Variants in TNS3 observed in about 807,000 individuals in gnomAD.
TNS3 encodes the protein tensin 3.
In TNS3, 45 loss-of-function variants were observed where a neutral mutation model predicts 140.9. The observed-to-expected ratio is 0.32, with a 90% CI of 0.25 to 0.41. TNS3 has a LOEUF of 0.41. Ranked by LOEUF, TNS3 falls within the 10% of genes least tolerant of loss-of-function variation. The pLI is 1.00. For synonymous variants in TNS3, 815 were observed against 788.4 expected (o/e 1.03, Z -0.56); for missense variants, 1,716 against 1,906.7 (o/e 0.90, Z 1.86).
At chr7:47,539,408 C>T in intron 1 of TNS3, 1 of 331,606 alleles carries the variant, frequency 3.0e-6, no homozygotes. Context: ...ACTGATTTTT[C>T]ACTGGCAAGA....
chr7:47,330,153 C>G (rs4724565), intron 20 of TNS3, among the ~76,000 whole-genome samples: 57,165 of 151,920 alleles, frequency 0.38, 10,840 homozygotes, highest in South Asian at 0.47. Flanking sequence ...TCCCCGGGGA[C>G]GACAGGACCT....
At chr7:47,471,776 G>A (rs1023415495) in intron 4 of TNS3, among the ~76,000 whole-genome samples, 1 of 152,158 alleles carries the variant, frequency 6.6e-6, no homozygotes, top group Non-Finnish European at 1.5e-5. Flanking sequence ...AGCTCCTCGC[G>A]GCCCATGTCT....
chr7:47,358,691 G>GA (rs1200737204), intron 17 of TNS3, among the ~76,000 whole-genome samples: 1 of 152,226 alleles, frequency 6.6e-6, no homozygotes, highest in East Asian at 1.9e-4. Context: ...GTCCTGGCAT[G>GA]AGGCCCATGT....
chr7:47,335,616 T>C (rs1407890074), intron 20 of TNS3, among the ~76,000 whole-genome samples: 1 of 152,176 alleles, frequency 6.6e-6, no homozygotes, highest in African/African-American at 2.4e-5. Context: ...CCCCGACTCA[T>C]GCTCTGAACC....
chr7:47,309,485 AT>A (rs1562579377), intron 20 of TNS3, among the ~76,000 whole-genome samples: 1 of 152,194 alleles, frequency 6.6e-6, no homozygotes, highest in African/African-American at 2.4e-5. Context: ...TTGTGTTTGA[AT>A]TTAAAGTAAT....
chr7:47,337,100 C>A (rs1332284252), intron 20 of TNS3, among the ~76,000 whole-genome samples: 1 of 152,206 alleles, frequency 6.6e-6, no homozygotes, highest in Admixed American at 6.5e-5. Flanking sequence ...GTAGCAGAAA[C>A]CGTGTTAGGC....
intron 24 of TNS3, among the ~76,000 whole-genome samples, chr7:47,294,459 T>A (rs1294519161): frequency 6.6e-6 from 1 of 151,926 alleles, no homozygotes; most frequent in East Asian, 1.9e-4. Flanking sequence ...TATCTGAGAG[T>A]GGAAAAGTAC....
At chr7:47,421,768 A>G (rs555119492) in intron 10 of TNS3, among the ~76,000 whole-genome samples, 2 of 152,280 alleles carry the variant, frequency 1.3e-5, no homozygotes, top group Admixed American at 1.3e-4. Context: ...GGCACATGTG[A>G]GTTTTACGGG....
intron 10 of TNS3, 75 bp downstream of exon 10, chr7:47,424,026 C>A: frequency 7.2e-7 from 1 of 1,397,416 alleles, no homozygotes; most frequent in Non-Finnish European, 1.0e-6. Flanking sequence ...AGAGGAGATG[C>A]CTCTTCTGTT....
chr7:47,406,679 G>A lies in TNS3; in HGVS notation c.723+5048C>T, dbSNP rs532132912. On this transcript the variant is annotated intron_variant, in intron 13 of 30. Coordinates refer to ENST00000311160, the MANE Select transcript of TNS3 (RefSeq NM_022748.12). ...CCAAGCCATCTGCAGTCTTCAGGGT[G>A]TAAATCTATGCACATGCTTTCTGCT... Among the ~76,000 whole-genome samples the A allele has an allele frequency of 9.8e-5, 15 of 152,334 alleles. No individual in the cohort carries two copies. In the South Asian group the frequency reaches 2.9e-3, roughly 29 times the overall value.
chr7:47,452,350 G>C (rs1796051999), intron 4 of TNS3, among the ~76,000 whole-genome samples: 1 of 152,198 alleles, frequency 6.6e-6, no homozygotes, highest in African/African-American at 2.4e-5. Flanking sequence ...CCAATTAATT[G>C]TCAGGATTGC....
At chr7:47,284,922 C>T (rs1404170641) in intron 27 of TNS3, among the ~76,000 whole-genome samples, 1 of 152,252 alleles carries the variant, frequency 6.6e-6, no homozygotes, top group Non-Finnish European at 1.5e-5. Flanking sequence ...GGAAGCAGCT[C>T]CATTTTCTCT....
rs770534277 is a variant in TNS3 at position 47,369,595 on chromosome 7, C to G, written c.1051G>C (p.Gly351Arg). 2 of 1,596,540 alleles carry G rather than the reference C, an allele frequency of 1.3e-6. No homozygotes were observed. The highest frequency in any genetic ancestry group is 3.4e-5 in the Admixed American group (2 of 58,662). The part of the protein sequence containing the change: ...EVLHTQGPVD[G>R]SLYAKVRKKS... ...TTCCTCACCTTCGCGTAAAGGCTGC[C>G]ATCGACAGGGCCCTGCGTGTGTAGC... Residue 351 changes from glycine (G) to arginine (R), a missense_variant, in exon 17 of 31, where the codon GGC becomes CGC. Coordinates refer to ENST00000311160, the MANE Select transcript of TNS3 (RefSeq NM_022748.12).
At chr7:47,327,772 G>T (rs898918732) in intron 20 of TNS3, among the ~76,000 whole-genome samples, 4 of 152,170 alleles carry the variant, frequency 2.6e-5, no homozygotes, top group Non-Finnish European at 5.9e-5. Flanking sequence ...GGAACAATCA[G>T]CCCTCCTCCC....
At chr7:47,337,151 A>C (rs1383814419) in intron 20 of TNS3, among the ~76,000 whole-genome samples, 2 of 152,182 alleles carry the variant, frequency 1.3e-5, no homozygotes, top group African/African-American at 4.8e-5. Flanking sequence ...GTCCCTTCTT[A>C]ATGACTTTCC....
At chr7:47,331,411 G>A (rs530679074) in intron 20 of TNS3, among the ~76,000 whole-genome samples, 17 of 152,194 alleles carry the variant, frequency 1.1e-4, no homozygotes, top group East Asian at 7.7e-4. Context: ...TGGGCATTGC[G>A]GAGAAGGAAT....
At chr7:47,543,222 C>G (rs926572153) in intron 1 of TNS3, among the ~76,000 whole-genome samples, 3 of 152,232 alleles carry the variant, frequency 2.0e-5, no homozygotes, top group African/African-American at 7.2e-5. Flanking sequence ...CCAGAAGGGA[C>G]AGTGTAACAG....
chr7:47,373,970 T>C (rs1241032811), intron 16 of TNS3, among the ~76,000 whole-genome samples: 1 of 152,050 alleles, frequency 6.6e-6, no homozygotes, highest in Non-Finnish European at 1.5e-5. Context: ...AACCCAGGTG[T>C]CCCCACTCTC....
intron 1 of TNS3, among the ~76,000 whole-genome samples, chr7:47,572,958 T>C (rs1358375974): frequency 1.3e-5 from 2 of 152,186 alleles, no homozygotes; most frequent in African/African-American, 4.8e-5. Context: ...ACCTGAATCC[T>C]TGCCAGTGGA....
Sources: allele counts gnomAD v4.1 joint callset (sites outside exome capture counted in the v4.1 genomes callset), GRCh38; gene constraint gnomAD v4.1.1; transcripts MANE v1.5; gene names NCBI Gene and HGNC (gene_info 2026-07-23, HGNC 2026-07-21).